ST6GALNAC5: variants seen among roughly 807,000 people sequenced by gnomAD.
ST6GALNAC5 encodes the protein alpha-N-acetylgalactosaminide alpha-2,6-sialyltransferase 5.
A neutral mutation model predicts 33.6 loss-of-function variants in ST6GALNAC5; 27 were observed. That is an observed-to-expected ratio of 0.80 (90% CI 0.59 to 1.11). The LOEUF (loss-of-function observed/expected upper bound fraction) is 1.11, where lower values mean the gene tolerates loss of function less well. ST6GALNAC5 is among the 50% of genes least tolerant of loss of function. ST6GALNAC5 has a pLI of 0.00. For missense variants in ST6GALNAC5, 428 were observed against 454.0 expected, an observed-to-expected ratio of 0.94 and a Z score of 0.52; for synonymous variants, 194 against 171.2, an observed-to-expected ratio of 1.13 and a Z score of -1.04.
chr1:76,916,104 C>G (rs1329002177), intron 2 of ST6GALNAC5, among the ~76,000 whole-genome samples: 2 of 151,504 alleles, frequency 1.3e-5, no homozygotes, highest in African/African-American at 4.8e-5. Flanking sequence ...AAAAAAGTAT[C>G]TTTTACCTTT....
chr1:76,939,230 G>C (rs1165211535), intron 2 of ST6GALNAC5, among the ~76,000 whole-genome samples: 1 of 152,042 alleles, frequency 6.6e-6, no homozygotes, highest in Non-Finnish European at 1.5e-5. Flanking sequence ...TCTTCTGTTA[G>C]GGCCAGAAAA....
At chr1:77,005,960 G>A (rs757845636) in intron 2 of ST6GALNAC5, among the ~76,000 whole-genome samples, 11 of 152,078 alleles carry the variant, frequency 7.2e-5, no homozygotes, top group Non-Finnish European at 1.3e-4. Context: ...ATGGGCATTT[G>A]GGTTGTTTCC....
At chr1:76,874,555 G>C (rs1557705601) in intron 2 of ST6GALNAC5, among the ~76,000 whole-genome samples, 1 of 152,122 alleles carries the variant, frequency 6.6e-6, no homozygotes, top group Non-Finnish European at 1.5e-5. Flanking sequence ...AGAATTTAGA[G>C]TCCGATATTC....
chr1:77,001,245 T>C (rs1194205053), intron 2 of ST6GALNAC5, among the ~76,000 whole-genome samples: 1 of 108,400 alleles, frequency 9.2e-6, no homozygotes, highest in African/African-American at 3.3e-5. Flanking sequence ...TTTTATTCTC[T>C]TTGAAGCAAT....
chr1:76,906,586 G>T (rs192123375), intron 2 of ST6GALNAC5, among the ~76,000 whole-genome samples: 1 of 152,032 alleles, frequency 6.6e-6, no homozygotes, highest in African/African-American at 2.4e-5. Context: ...ATAATTTTTT[G>T]ATTGTTGAGT....
intron 2 of ST6GALNAC5, among the ~76,000 whole-genome samples, chr1:76,996,572 G>T (rs1353607657): frequency 6.6e-6 from 1 of 152,168 alleles, no homozygotes; most frequent in Non-Finnish European, 1.5e-5. Context: ...TTGCACAAAC[G>T]TTAACAACTA....
intron 2 of ST6GALNAC5, among the ~76,000 whole-genome samples, chr1:76,972,768 C>G (rs1284674012): frequency 6.6e-6 from 1 of 152,114 alleles, no homozygotes; most frequent in Non-Finnish European, 1.5e-5. Context: ...ATGGGTTATA[C>G]CATTTTGCAC....
intron 2 of ST6GALNAC5, among the ~76,000 whole-genome samples, chr1:77,002,523 C>T (rs1279748667): frequency 1.3e-5 from 2 of 150,038 alleles, no homozygotes; most frequent in Non-Finnish European, 3.0e-5. Context: ...TATTTCTTGC[C>T]TTCTGCTAGC....
In ST6GALNAC5 at chr1:76,889,711, T is replaced by C. The variant is rs191482686; in HGVS notation, c.261+20969T>C. On this transcript the variant is annotated intron_variant, in intron 2 of 4. Transcript: ENST00000477717. ...TTATTTGTCTCACTATAATGAATTC[T>C]GGACAGTTTCTTCTGGTCTTTCTTT... Among the ~76,000 whole-genome samples the C allele has an allele frequency of 3.3e-5, 5 of 152,278 alleles. No homozygotes were observed. In the East Asian group the frequency reaches 9.6e-4, roughly 29 times the overall value.
intron 4 of ST6GALNAC5, among the ~76,000 whole-genome samples, chr1:77,050,587 G>C (rs372286073): frequency 3.3e-5 from 5 of 152,112 alleles, no homozygotes; most frequent in African/African-American, 1.2e-4. Flanking sequence ...TCCATCTTGT[G>C]GGCTCCATTT....
chr1:77,051,575 G>A (rs1652221088), intron 4 of ST6GALNAC5, among the ~76,000 whole-genome samples: 1 of 152,158 alleles, frequency 6.6e-6, no homozygotes, highest in African/African-American at 2.4e-5. Flanking sequence ...AAGGGCTGTA[G>A]GCAGAGTAAA....
intron 2 of ST6GALNAC5, among the ~76,000 whole-genome samples, chr1:76,999,132 C>G (rs2100406015): frequency 6.6e-6 from 1 of 152,198 alleles, no homozygotes; most frequent in Non-Finnish European, 1.5e-5. Context: ...GATACCTAAA[C>G]AAATGGAAGA....
At chr1:76,991,837 GCGCACA>G (rs1229951747) in intron 2 of ST6GALNAC5, among the ~76,000 whole-genome samples, 2 of 115,254 alleles carry the variant, frequency 1.7e-5, no homozygotes, top group African/African-American at 1.0e-4. Context: ...TCACGCGTGT[GCGCACA>G]CACACACACA....
intron 2 of ST6GALNAC5, among the ~76,000 whole-genome samples, chr1:76,903,881 A>C (rs995921910): frequency 6.6e-6 from 1 of 152,136 alleles, no homozygotes; most frequent in Non-Finnish European, 1.5e-5. Context: ...ATACAAACAG[A>C]AAGTAGATTA....
intron 2 of ST6GALNAC5, among the ~76,000 whole-genome samples, chr1:76,987,287 A>G (rs1649548024): frequency 6.6e-6 from 1 of 152,204 alleles, no homozygotes; most frequent in Non-Finnish European, 1.5e-5. Flanking sequence ...AAGGATTTCA[A>G]CCAACATTTC....
intron 2 of ST6GALNAC5, among the ~76,000 whole-genome samples, chr1:76,878,165 G>T (rs1019136046): frequency 1.5e-4 from 23 of 152,280 alleles, no homozygotes; most frequent in African/African-American, 4.8e-5. Context: ...TCCCTACAGG[G>T]ATGCGATATT....
chr1:76,969,503 G>C (rs184708126), intron 2 of ST6GALNAC5, among the ~76,000 whole-genome samples: 1 of 152,174 alleles, frequency 6.6e-6, no homozygotes, highest in Non-Finnish European at 1.5e-5. Flanking sequence ...TGAGCCTTCA[G>C]TAGGTAAACA....
chr1:77,044,389 C>T lies in ST6GALNAC5; in HGVS notation c.447C>T (p.Ile149=). Residue 149 remains isoleucine (I), a synonymous_variant, in exon 3 of 5, where the codon ATC becomes ATT. Transcript: ENST00000477717. The part of the protein sequence containing the change: ...TSLRVIAHSS[I]QRILRNRHDL... ...TGAGGGTCATCGCGCATTCCAGCAT[C>T]CAGAGGATCCTCCGCAACCGCCATG... is the stretch of plus-strand genomic sequence containing the variant. 1.9e-6 allele frequency: 3 copies of T among 1,613,646 alleles called. No homozygotes were observed. Among genetic ancestry groups the T allele is most frequent in the East Asian group, 2.2e-5 (1 of 44,848 alleles).
chr1:77,029,131 A>T lies in ST6GALNAC5; in HGVS notation c.262-15073A>T, dbSNP rs577436164. 3.9e-5 allele frequency among the ~76,000 whole-genome samples: 6 copies of T among 152,292 alleles called. No individual in the cohort carries two copies. The East Asian group carries it at 1.2e-3, about 29-fold the overall frequency. The stretch of plus-strand genomic sequence containing the variant: ...TTTAGGGATGAGGGGGTTACAGAAG[A>T]TCATTACGTTGGAGTGACATGATCA... On this transcript the variant is annotated intron_variant, in intron 2 of 4. Transcript: ENST00000477717.
Sources: allele counts gnomAD v4.1 joint callset (sites outside exome capture counted in the v4.1 genomes callset), GRCh38; gene constraint gnomAD v4.1.1; transcripts MANE v1.5; gene names NCBI Gene and HGNC (gene_info 2026-07-23, HGNC 2026-07-21).